Variants in FHIT observed in about 807,000 individuals in gnomAD.
FHIT encodes the protein bis(5'-adenosyl)-triphosphatase.
FHIT carries 19 observed loss-of-function variants against 17.9 expected under a neutral mutation model. The observed-to-expected ratio is 1.06, with a 90% CI of 0.74 to 1.56. The LOEUF is 1.56. Among genes scored for constraint, FHIT ranks in the 40% most tolerant of loss-of-function variants. The pLI is 0.00. For missense variants in FHIT, 248 were observed against 189.2 expected (o/e 1.31, Z -1.82); for synonymous variants, 81 against 69.7 (o/e 1.16, Z -0.81).
At chr3:60,404,341 A>T (rs1163155227) in intron 5 of FHIT, among the ~76,000 whole-genome samples, 1 of 152,136 alleles carries the variant, frequency 6.6e-6, no homozygotes, top group East Asian at 1.9e-4. Flanking sequence ...ACAAACAAAA[A>T]TGTGCAGTTT....
At chr3:60,096,972 G>T (rs1384440717) in intron 5 of FHIT, among the ~76,000 whole-genome samples, 1 of 146,220 alleles carries the variant, frequency 6.8e-6, no homozygotes, top group Non-Finnish European at 1.5e-5. Context: ...CTTCAGGCTA[G>T]GAGTTCAAGG....
chr3:60,830,317 G>T (rs868915901), intron 3 of FHIT, among the ~76,000 whole-genome samples: 4 of 152,006 alleles, frequency 2.6e-5, no homozygotes, highest in Non-Finnish European at 5.9e-5. Context: ...TAGTCTCCAG[G>T]TTCAGAGGAA....
chr3:60,089,564 A>G (rs929088103), intron 5 of FHIT, among the ~76,000 whole-genome samples: 2 of 152,206 alleles, frequency 1.3e-5, no homozygotes, highest in African/African-American at 4.8e-5. Context: ...TAATAACACA[A>G]GTTCAACAGC....
chr3:60,367,455 A>G (rs1401457050), intron 5 of FHIT, among the ~76,000 whole-genome samples: 2 of 152,206 alleles, frequency 1.3e-5, no homozygotes, highest in African/African-American at 4.8e-5. Flanking sequence ...CTTTCTAAAG[A>G]TGTTGGAAAG....
chr3:60,275,956 A>C (rs1448056970), intron 5 of FHIT, among the ~76,000 whole-genome samples: 2 of 151,542 alleles, frequency 1.3e-5, no homozygotes, highest in East Asian at 3.9e-4. Flanking sequence ...CAATAGGATA[A>C]GTTTAAGCAG....
At chr3:60,080,134 G>GA (rs1703213778) in intron 5 of FHIT, among the ~76,000 whole-genome samples, 1 of 152,054 alleles carries the variant, frequency 6.6e-6, no homozygotes, top group African/African-American at 2.4e-5. Flanking sequence ...ACAGCCAAAA[G>GA]AAAAATAATG....
intron 5 of FHIT, among the ~76,000 whole-genome samples, chr3:60,317,154 A>G (rs1482393410): frequency 1.3e-5 from 2 of 151,888 alleles, no homozygotes; most frequent in African/African-American, 4.8e-5. Context: ...ACTCAACATT[A>G]TATTTTTAAA....
At chr3:60,185,861 A>G (rs976629541) in intron 5 of FHIT, among the ~76,000 whole-genome samples, 2 of 152,152 alleles carry the variant, frequency 1.3e-5, no homozygotes, top group Non-Finnish European at 2.9e-5. Flanking sequence ...TGGCTGTGTG[A>G]TAGTATCATC....
chr3:60,257,392 T>C (rs1706055567), intron 5 of FHIT, among the ~76,000 whole-genome samples: 1 of 152,192 alleles, frequency 6.6e-6, no homozygotes, highest in African/African-American at 2.4e-5. Context: ...ATTACACTGC[T>C]TGTCCATTCA....
intron 8 of FHIT, among the ~76,000 whole-genome samples, chr3:59,855,497 TC>T (rs1270839891): frequency 6.6e-6 from 1 of 152,116 alleles, no homozygotes; most frequent in Non-Finnish European, 1.5e-5. Context: ...AAACTTATTT[TC>T]CCCCACTTGA....
chr3:61,241,184 C>T (rs1430924942), intron 1 of FHIT, among the ~76,000 whole-genome samples: 1 of 152,168 alleles, frequency 6.6e-6, no homozygotes, highest in African/African-American at 2.4e-5. Flanking sequence ...CTCCTGCTCT[C>T]CCTTGGATTT....
intron 5 of FHIT, among the ~76,000 whole-genome samples, chr3:60,226,759 A>G (rs1403933354): frequency 1.3e-5 from 2 of 152,078 alleles, no homozygotes; most frequent in Non-Finnish European, 2.9e-5. Flanking sequence ...AGAAGCAAAT[A>G]ATCATACAGC....
Position 60,317,652 on chromosome 3 carries a change from T to TAA in FHIT, c.103+219206_103+219207dup, listed in dbSNP as rs1218627661. Among the ~76,000 whole-genome samples, 6 of 147,426 alleles carry TAA rather than the reference T, an allele frequency of 4.1e-5. 1 individual carries two copies. The highest frequency in any genetic ancestry group is 1.0e-4 in the African/African-American group (4 of 40,140). The stretch of plus-strand genomic sequence containing the variant: ...GTGTGTGTGTATATATATATATATA[T>TAA]AATATTTTCCCCATTAACAAATCAG... On this transcript the variant is annotated intron_variant, in intron 5 of 9. Transcript: ENST00000492590.
At chr3:61,049,184 A>C (rs1553813045) in intron 2 of FHIT, among the ~76,000 whole-genome samples, 1 of 151,548 alleles carries the variant, frequency 6.6e-6, no homozygotes, top group Non-Finnish European at 1.5e-5. Flanking sequence ...CATGCATGAA[A>C]ACTCATTAGA....
At chr3:60,342,516 A>C (rs1230704324) in intron 5 of FHIT, among the ~76,000 whole-genome samples, 1 of 152,236 alleles carries the variant, frequency 6.6e-6, no homozygotes, top group East Asian at 1.9e-4. Flanking sequence ...AAATACATTC[A>C]CATTATTGTG....
chr3:61,203,981 T>G (rs143712532), intron 1 of FHIT, among the ~76,000 whole-genome samples: 1 of 152,232 alleles, frequency 6.6e-6, no homozygotes, highest in Non-Finnish European at 1.5e-5. Flanking sequence ...AAACACTTTT[T>G]TTACATATTC....
intron 1 of FHIT, among the ~76,000 whole-genome samples, chr3:61,236,312 A>G (rs1224457914): frequency 6.6e-6 from 1 of 150,594 alleles, no homozygotes; most frequent in East Asian, 1.9e-4. Flanking sequence ...ATAACACAGC[A>G]TCATTATTCA....
At chr3:60,176,173 G>A (rs569267345) in intron 5 of FHIT, among the ~76,000 whole-genome samples, 37 of 152,222 alleles carry the variant, frequency 2.4e-4, no homozygotes, top group Middle Eastern at 3.4e-3. Flanking sequence ...CCAACATGGC[G>A]AAACCCCGTC....
At chr3:61,060,553 C>T (rs2034391113) in intron 2 of FHIT, among the ~76,000 whole-genome samples, 1 of 152,226 alleles carries the variant, frequency 6.6e-6, no homozygotes. Context: ...TGCAGTTTAG[C>T]CCTGTCATCT....
Sources: gnomAD v4.1 joint callset for allele counts (sites outside exome capture counted in the v4.1 genomes callset) on GRCh38, gnomAD v4.1.1 for gene constraint, MANE v1.5 for transcripts, NCBI Gene and HGNC (gene_info 2026-07-23, HGNC 2026-07-21) for gene names.